Variants in OLFM3 observed in about 807,000 individuals in gnomAD.
The protein encoded by OLFM3 is noelin-3.
Under a neutral mutation model 48.6 loss-of-function variants are expected in OLFM3, and 20 were observed. The ratio of observed to expected loss-of-function variants is 0.41; its 90% CI spans 0.29 to 0.60. The LOEUF (loss-of-function observed/expected upper bound fraction) is 0.60. Ranked by LOEUF, OLFM3 falls within the 20% of genes least tolerant of loss-of-function variation. OLFM3 has a pLI of 0.28. For synonymous variants in OLFM3, 222 were observed against 198.1 expected (o/e 1.12, Z -1.01); for missense variants, 437 against 544.3 (o/e 0.80, Z 1.96).
chr1:101,930,867 A>C (rs973745181), intron 1 of OLFM3, among the ~76,000 whole-genome samples: 2 of 152,250 alleles, frequency 1.3e-5, no homozygotes, highest in African/African-American at 4.8e-5. Context: ...ACATGAGGCA[A>C]TCAATTCTGT....
At chr1:101,966,264 A>G (rs1660603906) in intron 1 of OLFM3, among the ~76,000 whole-genome samples, 1 of 151,494 alleles carries the variant, frequency 6.6e-6, no homozygotes, top group Non-Finnish European at 1.5e-5. Flanking sequence ...TCCCAGGCTC[A>G]AGGTATCCTT....
intron 1 of OLFM3, among the ~76,000 whole-genome samples, chr1:101,879,223 A>G (rs1657421430): frequency 6.6e-6 from 1 of 151,850 alleles, no homozygotes; most frequent in African/African-American, 2.4e-5. Context: ...TGATTTTACT[A>G]AACACTACAT....
chr1:101,840,022 G>T (rs1655633292), intron 1 of OLFM3, among the ~76,000 whole-genome samples: 1 of 152,136 alleles, frequency 6.6e-6, no homozygotes, highest in South Asian at 2.1e-4. Flanking sequence ...CTGTGTTGGG[G>T]TCAGTGATAA....
At chr1:101,854,801 G>T (rs190556129) in intron 1 of OLFM3, among the ~76,000 whole-genome samples, 1 of 152,142 alleles carries the variant, frequency 6.6e-6, no homozygotes, top group Admixed American at 6.6e-5. Context: ...GGCACTAGTA[G>T]ATGACTAGCC....
intron 1 of OLFM3, among the ~76,000 whole-genome samples, chr1:101,942,078 T>A (rs1659812811): frequency 6.6e-6 from 1 of 152,182 alleles, no homozygotes; most frequent in Admixed American, 6.5e-5. Context: ...GTATTTGGAT[T>A]CTAATTACAA....
At chr1:101,949,931 GA>G (rs71088114) in intron 1 of OLFM3, among the ~76,000 whole-genome samples, 845 of 53,346 alleles carry the variant, frequency 0.016, 16 homozygotes, top group African/African-American at 0.053. Flanking sequence ...GACTCCGTCT[GA>G]AAAAAAAAAA....
chr1:101,810,160 G>C lies in OLFM3; in HGVS notation c.593-3978C>G, dbSNP rs114610823. ...TTTCCTATTGTTGAAAAATAATGAA[G>C]ATTCAAATCTAAGACTTGAAATTAC... On this transcript the variant is annotated intron_variant, in intron 4 of 5. Coordinates refer to ENST00000370103, the MANE Select transcript of OLFM3 (RefSeq NM_058170.4). 4.9e-3 allele frequency among the ~76,000 whole-genome samples: 740 copies of C among 151,924 alleles called. 4 individuals carry two copies. Among genetic ancestry groups the C allele is most frequent in the Non-Finnish European group, 8.1e-3 (547 of 67,860 alleles).
intron 1 of OLFM3, among the ~76,000 whole-genome samples, chr1:101,878,231 G>A (rs1168881988): frequency 2.0e-5 from 3 of 151,888 alleles, no homozygotes; most frequent in Admixed American, 2.0e-4. Flanking sequence ...ATGGTGGTTA[G>A]ATTGTTTTAT....
chr1:101,977,802 T>C (rs910448747), intron 1 of OLFM3, among the ~76,000 whole-genome samples: 2 of 152,074 alleles, frequency 1.3e-5, no homozygotes, highest in African/African-American at 4.8e-5. Flanking sequence ...TCTCTTTTTG[T>C]CCCATGAACA....
chr1:101,870,328 T>G (rs1023976934), intron 1 of OLFM3, among the ~76,000 whole-genome samples: 1 of 152,166 alleles, frequency 6.6e-6, no homozygotes, highest in Non-Finnish European at 1.5e-5. Flanking sequence ...CCTTTCTCCC[T>G]CATAATGTTC....
intron 2 of OLFM3, among the ~76,000 whole-genome samples, chr1:101,833,767 A>G (rs1570538587): frequency 6.6e-6 from 1 of 152,262 alleles, no homozygotes; most frequent in South Asian, 2.1e-4. Flanking sequence ...AATTAAATAC[A>G]TTTGGATAGC....
chr1:101,898,824 G>A (rs563964054), intron 1 of OLFM3, among the ~76,000 whole-genome samples: 21 of 152,282 alleles, frequency 1.4e-4, no homozygotes, highest in Admixed American at 1.2e-3. Context: ...ACTCCAGCCT[G>A]AGTGACAGAG....
chr1:101,874,645 T>A (rs1657225201), intron 1 of OLFM3, among the ~76,000 whole-genome samples: 1 of 152,040 alleles, frequency 6.6e-6, no homozygotes, highest in South Asian at 2.1e-4. Context: ...TTCAGTATTT[T>A]TAAGTAAGGA....
At chr1:101,936,948 T>C (rs191638552) in intron 1 of OLFM3, among the ~76,000 whole-genome samples, 5 of 152,236 alleles carry the variant, frequency 3.3e-5, no homozygotes, top group Admixed American at 3.3e-4. Flanking sequence ...CCGTACATCA[T>C]ATATGAAAAT....
At position 101,803,713 on chromosome 1, in the gene OLFM3, C is replaced by A. The variant is rs1212660777; in HGVS notation, c.*525G>T. On this transcript the variant is annotated 3_prime_UTR_variant, in exon 6 of 6. Transcript: ENST00000370103. ...AGCAAGAGATTTAAAAATGACTGTACAGCACCGCATCAGAGAATTGTGTTA... is the reference window on the plus strand; with the variant it reads ...AGCAAGAGATTTAAAAATGACTGTAAAGCACCGCATCAGAGAATTGTGTTA... 6.6e-6 allele frequency: 1 copy of A among 152,462 alleles called. No individual in the cohort carries two copies. The highest frequency in any genetic ancestry group is 1.9e-4 in the East Asian group (1 of 5,148). The allele number at this position is 152,462 out of a possible 1,614,324, so 9.4% of individuals were successfully genotyped here.
chr1:101,868,037 G>GT (rs1656924973), intron 1 of OLFM3, among the ~76,000 whole-genome samples: 1 of 152,132 alleles, frequency 6.6e-6, no homozygotes, highest in South Asian at 2.1e-4. Flanking sequence ...CACCACGACT[G>GT]TAAGTTTCCT....
At chr1:101,986,837 C>G (rs1221779338) in intron 1 of OLFM3, among the ~76,000 whole-genome samples, 2 of 152,088 alleles carry the variant, frequency 1.3e-5, no homozygotes, top group Non-Finnish European at 2.9e-5. Flanking sequence ...AACTAGGTCT[C>G]ATATTAATTA....
At chr1:101,955,910 A>G (rs1026469697) in intron 1 of OLFM3, among the ~76,000 whole-genome samples, 2 of 151,740 alleles carry the variant, frequency 1.3e-5, no homozygotes, top group African/African-American at 4.8e-5. Context: ...GTCTACTCCT[A>G]TTCTTGTATT....
At chr1:101,963,808 A>C (rs941322159) in intron 1 of OLFM3, among the ~76,000 whole-genome samples, 3 of 152,184 alleles carry the variant, frequency 2.0e-5, no homozygotes, top group Non-Finnish European at 4.4e-5. Flanking sequence ...GTTCAAAGTG[A>C]GGAAAAGAAG....
Sources: gnomAD v4.1 joint callset for allele counts (sites outside exome capture counted in the v4.1 genomes callset) on GRCh38, gnomAD v4.1.1 for gene constraint, MANE v1.5 for transcripts, NCBI Gene and HGNC (gene_info 2026-07-23, HGNC 2026-07-21) for gene names.